CLEC16A: variants seen among roughly 807,000 people sequenced by gnomAD.
CLEC16A encodes the protein protein CLEC16A.
A neutral mutation model predicts 109.5 loss-of-function variants in CLEC16A; 51 were observed. The ratio of observed to expected loss-of-function variants is 0.47; its 90% CI spans 0.37 to 0.59. The LOEUF is 0.59. Among genes scored for constraint, CLEC16A ranks in the 20% least tolerant of loss-of-function variants. The pLI, the probability that CLEC16A is intolerant of heterozygous loss-of-function variation, is 0.00. For synonymous variants in CLEC16A, 673 were observed against 564.2 expected, an observed-to-expected ratio of 1.19 and a Z score of -2.73; for missense variants, 1,339 against 1,394.0, an observed-to-expected ratio of 0.96 and a Z score of 0.63.
intron 7 of CLEC16A, among the ~76,000 whole-genome samples, chr16:10,976,261 C>T (rs1038126560): frequency 6.6e-6 from 1 of 151,872 alleles, no homozygotes. Flanking sequence ...CAAAACAAGA[C>T]CCTATCTCAA....
At chr16:11,015,088 AT>A (rs1567197276) in intron 11 of CLEC16A, among the ~76,000 whole-genome samples, 1 of 152,158 alleles carries the variant, frequency 6.6e-6, no homozygotes, top group African/African-American at 2.4e-5. Flanking sequence ...TTCAGTACCT[AT>A]AAGGGTTGTT....
At chr16:11,018,859 G>A (rs2045926631) in intron 11 of CLEC16A, among the ~76,000 whole-genome samples, 1 of 152,168 alleles carries the variant, frequency 6.6e-6, no homozygotes, top group Non-Finnish European at 1.5e-5. Context: ...AGGAGGTAAG[G>A]TCAGAGGTGG....
At chr16:10,992,290 C>CCTGCATCT (rs1389466740) in intron 10 of CLEC16A, among the ~76,000 whole-genome samples, 1 of 151,992 alleles carries the variant, frequency 6.6e-6, no homozygotes, top group Non-Finnish European at 1.5e-5. Flanking sequence ...TCCCTGCATC[C>CCTGCATCT]CCTCCCTGCC....
chr16:11,110,837 C>T lies in CLEC16A; in HGVS notation c.2117-9778C>T, dbSNP rs548329786. On this transcript the variant is annotated intron_variant, in intron 19 of 23. Transcript: ENST00000409790. ...CAGGGTCACACAGTTTAATAACTGG[C>T]AGAGCTGGGCTTTAAACCCAGTCTG... is the stretch of plus-strand genomic sequence containing the variant. Among the ~76,000 whole-genome samples the T allele has an allele frequency of 2.6e-5, 4 of 152,340 alleles. No homozygotes were observed. In the South Asian group the frequency reaches 8.3e-4, roughly 32 times the overall value.
At chr16:11,073,525 G>A (rs1378887720) in intron 19 of CLEC16A, among the ~76,000 whole-genome samples, 1 of 152,018 alleles carries the variant, frequency 6.6e-6, no homozygotes. Flanking sequence ...CGCCTAACCC[G>A]CCATCATGTC....
intron 19 of CLEC16A, among the ~76,000 whole-genome samples, chr16:11,062,633 T>A (rs2048544569): frequency 6.6e-6 from 1 of 152,196 alleles, no homozygotes; most frequent in Admixed American, 6.5e-5. Context: ...ACGTAGAGGT[T>A]CTCAGTGAAT....
At chr16:11,025,029 T>G (rs2046331590) in intron 13 of CLEC16A, 108 bp downstream of exon 13, 1 of 823,300 alleles carries the variant, frequency 1.2e-6, no homozygotes, top group Non-Finnish European at 2.0e-6. Context: ...GTACAGAATT[T>G]CCTTTCTGGT....
intron 22 of CLEC16A, among the ~76,000 whole-genome samples, chr16:11,156,383 AAAAAC>A (rs2054519477): frequency 6.6e-6 from 1 of 151,502 alleles, no homozygotes; most frequent in Non-Finnish European, 1.5e-5. Context: ...AAAAAAAAAA[AAAAAC>A]ACAACTAATC....
chr16:11,084,465 C>G (rs993518356), intron 19 of CLEC16A, among the ~76,000 whole-genome samples: 2 of 152,058 alleles, frequency 1.3e-5, no homozygotes, highest in African/African-American at 4.8e-5. Context: ...AATGGAAATG[C>G]GAGTGGGTTA....
At chr16:11,082,660 T>G (rs530365601) in intron 19 of CLEC16A, among the ~76,000 whole-genome samples, 36 of 152,192 alleles carry the variant, frequency 2.4e-4, no homozygotes, top group Non-Finnish European at 3.7e-4. Context: ...GCGATCAAGC[T>G]AAGCTGGTGC....
chr16:10,977,375 G>A lies in CLEC16A; in HGVS notation c.879G>A (p.Val293=), dbSNP rs2043079529. Residue 293 remains valine (V), a synonymous_variant, in exon 8 of 24, where the codon GTG becomes GTA. Coordinates refer to ENST00000409790, the MANE Select transcript of CLEC16A (RefSeq NM_015226.3). ...ACAGGCTCTTCCTGCCCCTCTACGT[G>A]TACTCACTGGAGAACCAGGACAAGG... ...LLNRLFLPLY[V]YSLENQDKGG... is the part of the protein sequence containing the mutation. The A allele has an allele frequency of 6.2e-7, 1 of 1,613,550 alleles. No homozygotes were observed. The highest frequency in any genetic ancestry group is 1.7e-5 in the Admixed American group (1 of 59,948).
chr16:11,007,067 A>G (rs1470486382), intron 11 of CLEC16A, among the ~76,000 whole-genome samples: 1 of 152,164 alleles, frequency 6.6e-6, no homozygotes, highest in African/African-American at 2.4e-5. Flanking sequence ...CTCTTTTGGA[A>G]TTTACTTAGA....
chr16:11,038,171 A>C (rs2047127962), intron 13 of CLEC16A, among the ~76,000 whole-genome samples: 1 of 152,124 alleles, frequency 6.6e-6, no homozygotes, highest in Non-Finnish European at 1.5e-5. Flanking sequence ...ATATATTGTT[A>C]CTTCTTATTA....
At chr16:11,049,785 C>A (rs2047838112) in intron 17 of CLEC16A, among the ~76,000 whole-genome samples, 1 of 152,146 alleles carries the variant, frequency 6.6e-6, no homozygotes, top group Non-Finnish European at 1.5e-5. Context: ...CTGAGGGGTT[C>A]ACTGGGAAGG....
At chr16:11,080,791 C>T (rs2049664110) in intron 19 of CLEC16A, among the ~76,000 whole-genome samples, 1 of 152,218 alleles carries the variant, frequency 6.6e-6, no homozygotes, top group Non-Finnish European at 1.5e-5. Flanking sequence ...ACTCTCACCT[C>T]CTCGTCTGCC....
At chr16:11,111,930 T>C (rs545717746) in intron 19 of CLEC16A, among the ~76,000 whole-genome samples, 18 of 152,396 alleles carry the variant, frequency 1.2e-4, no homozygotes, top group Non-Finnish European at 2.6e-4. Flanking sequence ...GCTATAAATT[T>C]ACTCTCGCAT....
At chr16:11,094,671 AT>A (rs2050503759) in intron 19 of CLEC16A, among the ~76,000 whole-genome samples, 25 of 152,190 alleles carry the variant, frequency 1.6e-4, no homozygotes, top group Admixed American at 1.6e-3. Context: ...GGGGCCCTGC[AT>A]GCCTGCCTTG....
At chr16:11,078,768 G>A (rs949158392) in intron 19 of CLEC16A, among the ~76,000 whole-genome samples, 2 of 152,168 alleles carry the variant, frequency 1.3e-5, no homozygotes, top group African/African-American at 4.8e-5. Flanking sequence ...GGCGCTCAAG[G>A]GATAGGCAGG....
chr16:11,168,946 T>G (rs902185787), intron 23 of CLEC16A, among the ~76,000 whole-genome samples: 2 of 152,196 alleles, frequency 1.3e-5, no homozygotes, highest in African/African-American at 4.8e-5. Context: ...CACCCAACTT[T>G]CCACCCACCA....
Sources: gnomAD v4.1 joint callset for allele counts (sites outside exome capture counted in the v4.1 genomes callset) on GRCh38, gnomAD v4.1.1 for gene constraint, MANE v1.5 for transcripts, NCBI Gene and HGNC (gene_info 2026-07-23, HGNC 2026-07-21) for gene names.